LDLRAD3: variants seen among roughly 807,000 people sequenced by gnomAD.
The protein encoded by LDLRAD3 is low-density lipoprotein receptor class A domain-containing protein 3.
LDLRAD3 carries 20 observed loss-of-function variants against 29.4 expected under a neutral mutation model. That is an observed-to-expected ratio of 0.68 (90% confidence interval 0.48 to 0.99). The LOEUF is 0.99. Ranked by LOEUF, LDLRAD3 falls within the 50% of genes least tolerant of loss-of-function variation. LDLRAD3 has a pLI of 0.00. For missense variants in LDLRAD3, 420 were observed against 454.3 expected, an observed-to-expected ratio of 0.92 and a Z score of 0.69; for synonymous variants, 157 against 192.7, an observed-to-expected ratio of 0.81 and a Z score of 1.53.
intron 2 of LDLRAD3, among the ~76,000 whole-genome samples, chr11:36,043,081 G>A (rs572325987): frequency 2.0e-5 from 3 of 152,224 alleles, no homozygotes; most frequent in South Asian, 4.1e-4. Flanking sequence ...GGAGGCCAAG[G>A]TGGGCAGATC....
chr11:35,974,021 T>TC (rs564708418), intron 1 of LDLRAD3, among the ~76,000 whole-genome samples: 1 of 152,236 alleles, frequency 6.6e-6, no homozygotes, highest in African/African-American at 2.4e-5. Flanking sequence ...TGCTTTTTTT[T>TC]CCCTATTGAG....
intron 2 of LDLRAD3, among the ~76,000 whole-genome samples, chr11:36,055,332 T>G (rs1852602751): frequency 6.6e-6 from 1 of 151,866 alleles, no homozygotes. Context: ...GTATGAACTC[T>G]TGGAGAGTGT....
Position 36,010,762 on chromosome 11 carries a change from A to T in LDLRAD3, c.47-25341A>T, listed in dbSNP as rs559106489. On this transcript the variant is annotated intron_variant, in intron 1 of 5. Transcript: ENST00000315571. ...AGCCTGGGTGGAAATTATTCCATGCAGCATTCCATGATGCTTCCCCTGGAA... is the reference window on the plus strand; with the variant it reads ...AGCCTGGGTGGAAATTATTCCATGCTGCATTCCATGATGCTTCCCCTGGAA... 4.6e-5 allele frequency among the ~76,000 whole-genome samples: 7 copies of T among 152,288 alleles called. No individual in the cohort carries two copies. The East Asian group carries it at 1.4e-3, about 29-fold the overall frequency.
chr11:36,094,298 AGTTTTT>A (rs1319854921), intron 3 of LDLRAD3, among the ~76,000 whole-genome samples: 1 of 152,200 alleles, frequency 6.6e-6, no homozygotes, highest in Non-Finnish European at 1.5e-5. Context: ...GCCTAGCACC[AGTTTTT>A]GTACATAAAA....
At chr11:36,054,991 A>ATGCATGGG (rs1852594825) in intron 2 of LDLRAD3, among the ~76,000 whole-genome samples, 1 of 132,250 alleles carries the variant, frequency 7.6e-6, no homozygotes. Context: ...GGATGGATGG[A>ATGCATGGG]TGGATGGATG....
intron 4 of LDLRAD3, among the ~76,000 whole-genome samples, chr11:36,145,218 C>T (rs570819367): frequency 0.64 from 20,881 of 32,410 alleles, 5,494 homozygotes; most frequent in African/African-American, 0.74. Flanking sequence ...GGGGTCAGCC[C>T]CCCACCCGCC....
At chr11:36,157,760 TTCAGTTGTTGCTG>T (rs1590317756) in intron 4 of LDLRAD3, among the ~76,000 whole-genome samples, 1 of 152,158 alleles carries the variant, frequency 6.6e-6, no homozygotes, top group Admixed American at 6.5e-5. Context: ...GTGTCTCCAT[TTCAGTTGTTGCTG>T]AGACAGGCAA....
chr11:35,973,052 CA>C (rs775477148), intron 1 of LDLRAD3, among the ~76,000 whole-genome samples: 5,329 of 48,822 alleles, frequency 0.11, 204 homozygotes, highest in African/African-American at 0.21. Context: ...GACTCCATCT[CA>C]AAAAAAAAAA....
At chr11:35,998,870 C>T (rs1195827218) in intron 1 of LDLRAD3, among the ~76,000 whole-genome samples, 1 of 152,162 alleles carries the variant, frequency 6.6e-6, no homozygotes, top group African/African-American at 2.4e-5. Context: ...TATCCTTTGG[C>T]CTGGTCACCT....
chr11:36,028,657 A>C (rs1852197200), intron 1 of LDLRAD3, among the ~76,000 whole-genome samples: 1 of 152,234 alleles, frequency 6.6e-6, no homozygotes, highest in Non-Finnish European at 1.5e-5. Flanking sequence ...TACCCTTCCC[A>C]AAAAGAATTC....
At chr11:35,993,651 G>C (rs2133169736) in intron 1 of LDLRAD3, among the ~76,000 whole-genome samples, 1 of 147,560 alleles carries the variant, frequency 6.8e-6, no homozygotes, top group South Asian at 2.1e-4. Context: ...CGCAGTCCTG[G>C]CCAGAGATAC....
chr11:36,065,446 TGTTAAA>T (rs1407808827), intron 2 of LDLRAD3, among the ~76,000 whole-genome samples: 5 of 152,194 alleles, frequency 3.3e-5, no homozygotes, highest in Admixed American at 3.3e-4. Context: ...AGTATTTTGT[TGTTAAA>T]GTTAGCTCAT....
At chr11:36,214,998 T>C (rs1389466853) in intron 4 of LDLRAD3, among the ~76,000 whole-genome samples, 3 of 152,006 alleles carry the variant, frequency 2.0e-5, no homozygotes, top group Admixed American at 2.0e-4. Flanking sequence ...GAATGTACAA[T>C]GACAGGCAGT....
chr11:36,146,216 AC>A (rs1230593504), intron 4 of LDLRAD3, among the ~76,000 whole-genome samples: 3 of 152,106 alleles, frequency 2.0e-5, no homozygotes, highest in Non-Finnish European at 4.4e-5. Flanking sequence ...GAATAATGTC[AC>A]CCTGTGCACT....
intron 1 of LDLRAD3, among the ~76,000 whole-genome samples, chr11:35,992,404 A>G (rs1471417653): frequency 6.6e-6 from 1 of 152,240 alleles, no homozygotes; most frequent in African/African-American, 2.4e-5. Context: ...CTGGTGGTTC[A>G]TAGCAGCATT....
At chr11:36,063,167 A>G (rs764323716) in intron 2 of LDLRAD3, among the ~76,000 whole-genome samples, 1 of 152,138 alleles carries the variant, frequency 6.6e-6, no homozygotes, top group East Asian at 1.9e-4. Flanking sequence ...CACCCACCCC[A>G]CTACATCCCC....
chr11:36,071,534 G>A (rs1279684661), intron 2 of LDLRAD3, among the ~76,000 whole-genome samples: 1 of 152,172 alleles, frequency 6.6e-6, no homozygotes, highest in Non-Finnish European at 1.5e-5. Context: ...GTTACCCTTA[G>A]CCATTAAAAA....
At chr11:36,033,709 T>C (rs992735389) in intron 1 of LDLRAD3, among the ~76,000 whole-genome samples, 1 of 152,168 alleles carries the variant, frequency 6.6e-6, no homozygotes, top group Non-Finnish European at 1.5e-5. Flanking sequence ...GGGTTGAGCA[T>C]TTGTTGTCTG....
At chr11:36,144,269 C>T (rs925075467) in intron 4 of LDLRAD3, among the ~76,000 whole-genome samples, 2 of 151,592 alleles carry the variant, frequency 1.3e-5, no homozygotes, top group South Asian at 2.1e-4. Flanking sequence ...GGCGTGATCT[C>T]GGCTCGCTAC....
Sources: gnomAD v4.1 joint callset for allele counts (sites outside exome capture counted in the v4.1 genomes callset) on GRCh38, gnomAD v4.1.1 for gene constraint, MANE v1.5 for transcripts, NCBI Gene and HGNC (gene_info 2026-07-23, HGNC 2026-07-21) for gene names.